Variants in SLC9A9 observed in about 807,000 individuals in gnomAD.
The protein encoded by SLC9A9 is solute carrier family 9 member A9.
A neutral mutation model predicts 77.8 loss-of-function variants in SLC9A9; 62 were observed. The ratio of observed to expected loss-of-function variants is 0.80; its 90% CI spans 0.65 to 0.98. The LOEUF (loss-of-function observed/expected upper bound fraction) is 0.98, where lower values mean the gene tolerates loss of function less well. SLC9A9 is among the 50% of genes least tolerant of loss of function. The probability of loss-of-function intolerance (pLI) is 0.00; values close to 1 mark genes in which losing one functional copy is unlikely to be tolerated. For synonymous variants in SLC9A9, 320 were observed against 283.5 expected, an observed-to-expected ratio of 1.13 and a Z score of -1.29; for missense variants, 775 against 774.9, an observed-to-expected ratio of 1.00 and a Z score of 0.00.
At chr3:143,472,686 G>A (rs1326783677) in intron 11 of SLC9A9, among the ~76,000 whole-genome samples, 1 of 152,148 alleles carries the variant, frequency 6.6e-6, no homozygotes, top group Non-Finnish European at 1.5e-5. Flanking sequence ...GCAATACTAA[G>A]CACACAGTAG....
intron 6 of SLC9A9, among the ~76,000 whole-genome samples, chr3:143,593,018 A>C (rs1177083403): frequency 6.6e-6 from 1 of 152,246 alleles, no homozygotes; most frequent in Non-Finnish European, 1.5e-5. Flanking sequence ...TTAAAAAAAA[A>C]CTTGGAATGC....
chr3:143,381,995 T>C, intron 13 of SLC9A9, 65 bp downstream of exon 13: 2 of 1,585,710 alleles, frequency 1.3e-6, no homozygotes, highest in Non-Finnish European at 1.7e-6. Context: ...TGGACAAACA[T>C]GGAACAGCCT....
At chr3:143,344,481 C>A (rs896286352) in intron 14 of SLC9A9, 1 of 152,096 alleles carries the variant, frequency 6.6e-6, no homozygotes, top group African/African-American at 2.4e-5. Flanking sequence ...AGTTACAGAT[C>A]TCTTAAAAAA....
At chr3:143,810,450 T>C (rs2008835229) in intron 2 of SLC9A9, among the ~76,000 whole-genome samples, 1 of 152,230 alleles carries the variant, frequency 6.6e-6, no homozygotes, top group Admixed American at 6.5e-5. Context: ...TTAAAAACAT[T>C]GTTTCATCAA....
chr3:143,364,691 C>A (rs527323577), intron 13 of SLC9A9, among the ~76,000 whole-genome samples: 1 of 152,186 alleles, frequency 6.6e-6, no homozygotes, highest in Non-Finnish European at 1.5e-5. Flanking sequence ...TTCTATCCCC[C>A]GCAAATGAAA....
intron 12 of SLC9A9, among the ~76,000 whole-genome samples, chr3:143,450,895 C>G (rs917853392): frequency 6.6e-6 from 1 of 152,176 alleles, no homozygotes. Context: ...TGCAGCTGAG[C>G]TCTCTCAACA....
At chr3:143,565,992 C>T (rs1351105383) in intron 8 of SLC9A9, among the ~76,000 whole-genome samples, 1 of 152,108 alleles carries the variant, frequency 6.6e-6, no homozygotes, top group African/African-American at 2.4e-5. Flanking sequence ...CCAAATGGAA[C>T]ACATTCACCT....
At chr3:143,327,418 A>T (rs918802504) in intron 14 of SLC9A9, among the ~76,000 whole-genome samples, 2 of 152,244 alleles carry the variant, frequency 1.3e-5, no homozygotes, top group Admixed American at 6.5e-5. Flanking sequence ...CCCTTAGCAC[A>T]TACCATATGG....
intron 12 of SLC9A9, among the ~76,000 whole-genome samples, chr3:143,464,260 T>G (rs2035244261): frequency 6.6e-6 from 1 of 152,168 alleles, no homozygotes; most frequent in Admixed American, 6.5e-5. Flanking sequence ...GAGATATAGC[T>G]CTGTAAACAA....
chr3:143,714,918 TG>T (rs1427268570), intron 4 of SLC9A9, among the ~76,000 whole-genome samples: 1 of 152,112 alleles, frequency 6.6e-6, no homozygotes, highest in Non-Finnish European at 1.5e-5. Flanking sequence ...AATTGAATCA[TG>T]GGGGCAGGTC....
intron 5 of SLC9A9, chr3:143,655,611 G>T: frequency 1.0e-6 from 1 of 984,704 alleles, no homozygotes; most frequent in African/African-American, 1.8e-5. Context: ...AATTCACTTT[G>T]TCTTTCAAAT....
intron 4 of SLC9A9, among the ~76,000 whole-genome samples, chr3:143,790,698 G>C (rs2008192408): frequency 6.6e-6 from 1 of 152,098 alleles, no homozygotes; most frequent in Non-Finnish European, 1.5e-5. Context: ...GATAATAACA[G>C]TATTTACCTC....
intron 4 of SLC9A9, among the ~76,000 whole-genome samples, chr3:143,778,573 A>G (rs1229589415): frequency 6.6e-6 from 1 of 151,978 alleles, no homozygotes; most frequent in Non-Finnish European, 1.5e-5. Context: ...AAGGAGGAAG[A>G]AAAAAAAGGA....
At chr3:143,704,997 A>ATCTATCTG (rs1297156380) in intron 4 of SLC9A9, among the ~76,000 whole-genome samples, 2 of 91,146 alleles carry the variant, frequency 2.2e-5, no homozygotes, top group African/African-American at 8.1e-5. Flanking sequence ...CATCTCAAAT[A>ATCTATCTG]TCTATCTATC....
intron 9 of SLC9A9, among the ~76,000 whole-genome samples, chr3:143,506,255 C>T (rs927704292): frequency 6.6e-6 from 1 of 152,192 alleles, no homozygotes; most frequent in African/African-American, 2.4e-5. Context: ...TCCAAACATC[C>T]ATCCAATGCC....
In SLC9A9 at chr3:143,676,026, C is replaced by T. The variant is rs551326487; in HGVS notation, c.649+17166G>A. Among the ~76,000 whole-genome samples the T allele has an allele frequency of 2.6e-3, 398 of 152,172 alleles. 2 individuals carry two copies. Among genetic ancestry groups the T allele is most frequent in the African/African-American group, 9.1e-3 (379 of 41,506 alleles). ...GAGGAGGGCGAGGTGGGGATGGTTTCGGAATGAAACTTCCACCTCAGCTCA... is the reference window on the plus strand; with the variant it reads ...GAGGAGGGCGAGGTGGGGATGGTTTTGGAATGAAACTTCCACCTCAGCTCA... On this transcript the variant is annotated intron_variant, in intron 5 of 15. Transcript: ENST00000316549.
chr3:143,746,530 C>G (rs1935200684), intron 4 of SLC9A9, among the ~76,000 whole-genome samples: 2 of 152,140 alleles, frequency 1.3e-5, no homozygotes, highest in Non-Finnish European at 2.9e-5. Context: ...CAAAACCTAG[C>G]TCAGTGCCTG....
chr3:143,561,844 A>G (rs1266128256), intron 8 of SLC9A9, among the ~76,000 whole-genome samples: 9 of 152,228 alleles, frequency 5.9e-5, no homozygotes, highest in Non-Finnish European at 1.5e-5. Context: ...GGATAAATAC[A>G]GCAACATTTC....
chr3:143,750,261 A>C (rs1007337848), intron 4 of SLC9A9, among the ~76,000 whole-genome samples: 1 of 152,210 alleles, frequency 6.6e-6, no homozygotes, highest in African/African-American at 2.4e-5. Context: ...TCTAACTTTC[A>C]GTGGAGGCTT....
Sources: allele counts gnomAD v4.1 joint callset (sites outside exome capture counted in the v4.1 genomes callset), GRCh38; gene constraint gnomAD v4.1.1; transcripts MANE v1.5; gene names NCBI Gene and HGNC (gene_info 2026-07-23, HGNC 2026-07-21).